The following IQCM variants were observed in gnomAD, a reference collection of about 807,000 sequenced individuals.
The protein encoded by IQCM is IQ motif containing M, also known as IQ domain-containing protein M.
A neutral mutation model predicts 57.6 loss-of-function variants in IQCM; 45 were observed. That is an observed-to-expected ratio of 0.78 (90% CI 0.62 to 1.00). The LOEUF is 1.00. IQCM is among the 50% of genes least tolerant of loss of function. IQCM has a pLI of 0.00. For missense variants in IQCM, 468 were observed against 511.6 expected, an observed-to-expected ratio of 0.91 and a Z score of 0.82; for synonymous variants, 148 against 158.9, an observed-to-expected ratio of 0.93 and a Z score of 0.51.
intron 5 of IQCM, among the ~76,000 whole-genome samples, chr4:149,726,421 C>T (rs2149871556): frequency 6.6e-6 from 1 of 152,316 alleles, no homozygotes. Flanking sequence ...TAATGCATTA[C>T]TCCTTAATTG....
At chr4:149,736,502 G>T (rs1430261276) in intron 3 of IQCM, among the ~76,000 whole-genome samples, 2 of 152,048 alleles carry the variant, frequency 1.3e-5, no homozygotes, top group African/African-American at 4.8e-5. Context: ...CCTATTCAAA[G>T]TCTGGCCAGT....
intron 11 of IQCM, 147 bp from the exon 12 acceptor site, chr4:149,548,736 A>T (rs1748712665): frequency 9.6e-6 from 4 of 416,012 alleles, no homozygotes. Flanking sequence ...GTTAGAAGGA[A>T]GTGGGCATGT....
At chr4:149,383,361 G>A (rs145029617) in intron 13 of IQCM, among the ~76,000 whole-genome samples, 166 of 152,138 alleles carry the variant, frequency 1.1e-3, no homozygotes, top group African/African-American at 3.9e-3. Flanking sequence ...TACCTTAATG[G>A]CTCTCTAAGG....
At chr4:149,711,621 T>G (rs949092885) in intron 5 of IQCM, among the ~76,000 whole-genome samples, 3 of 152,128 alleles carry the variant, frequency 2.0e-5, no homozygotes, top group Admixed American at 2.0e-4. Context: ...CATTTTTGGG[T>G]TTTTAAAACC....
chr4:149,454,755 A>G (rs1475806657), intron 12 of IQCM, among the ~76,000 whole-genome samples: 2 of 152,046 alleles, frequency 1.3e-5, no homozygotes, highest in Non-Finnish European at 2.9e-5. Context: ...GTTATGAAAA[A>G]CCTCATGTAT....
Position 149,351,826 on chromosome 4 carries a change from T to C in IQCM, c.*125A>G, listed in dbSNP as rs1728610792. 1 of 394,704 alleles carries C rather than the reference T, an allele frequency of 2.5e-6. No homozygotes were observed. Among genetic ancestry groups the C allele is most frequent in the South Asian group, 1.4e-4 (1 of 7,000 alleles). 24.5% of individuals were successfully genotyped at this position (394,704 alleles called of 1,614,324 possible). On this transcript the variant is annotated 3_prime_UTR_variant, in exon 14 of 14. Transcript: ENST00000636793. ...AAATTATAGATAAACTTGTCAAAGT[T>C]CTTTCTATATTCAAAGATTTTTATC...
At chr4:149,521,640 A>G (rs1297901566) in intron 12 of IQCM, among the ~76,000 whole-genome samples, 2 of 152,250 alleles carry the variant, frequency 1.3e-5, no homozygotes, top group South Asian at 4.1e-4. Context: ...AGCATAAGCT[A>G]TTACTTAAGT....
chr4:149,382,594 T>C (rs1347916987), intron 13 of IQCM, among the ~76,000 whole-genome samples: 2 of 152,060 alleles, frequency 1.3e-5, no homozygotes, highest in Non-Finnish European at 2.9e-5. Flanking sequence ...ATTTTTTTTT[T>C]CCTGCAGAAC....
At chr4:149,788,466 C>A (rs982250165) in intron 2 of IQCM, among the ~76,000 whole-genome samples, 2 of 152,124 alleles carry the variant, frequency 1.3e-5, no homozygotes, top group Non-Finnish European at 1.5e-5. Context: ...CTAGTTAGAA[C>A]GGCTACTGCA....
At chr4:149,594,599 A>C (rs1409123462) in intron 8 of IQCM, among the ~76,000 whole-genome samples, 1 of 152,204 alleles carries the variant, frequency 6.6e-6, no homozygotes, top group African/African-American at 2.4e-5. Flanking sequence ...ATTTAGTGCT[A>C]TAAATTTCCC....
intron 12 of IQCM, among the ~76,000 whole-genome samples, chr4:149,436,270 A>G (rs1384798154): frequency 6.6e-6 from 1 of 152,154 alleles, no homozygotes; most frequent in East Asian, 1.9e-4. Context: ...TATTTTTCAT[A>G]TGCTTCAATA....
intron 13 of IQCM, among the ~76,000 whole-genome samples, chr4:149,382,303 T>C (rs1275928214): frequency 1.3e-5 from 2 of 152,270 alleles, no homozygotes; most frequent in Admixed American, 6.5e-5. Context: ...GGCTGAATTA[T>C]ACAAACTATT....
chr4:149,686,317 G>T, intron 6 of IQCM, 61 bp downstream of exon 6: 1 of 768,576 alleles, frequency 1.3e-6, no homozygotes, highest in Non-Finnish European at 1.8e-6. Context: ...AATTGGTCAG[G>T]GAATATTGGC....
chr4:149,574,479 T>C (rs1751456315), intron 9 of IQCM, among the ~76,000 whole-genome samples: 1 of 151,976 alleles, frequency 6.6e-6, no homozygotes, highest in Non-Finnish European at 1.5e-5. Context: ...CAGGGCTGAC[T>C]GGCTGCCTTT....
intron 8 of IQCM, among the ~76,000 whole-genome samples, chr4:149,616,705 GAAC>G (rs1755820255): frequency 2.0e-5 from 3 of 151,960 alleles, no homozygotes; most frequent in Non-Finnish European, 4.4e-5. Context: ...ACAGGGAGGG[GAAC>G]AACACACACA....
chr4:149,394,304 T>C (rs1298371177), intron 13 of IQCM, among the ~76,000 whole-genome samples: 1 of 152,104 alleles, frequency 6.6e-6, no homozygotes, highest in East Asian at 1.9e-4. Flanking sequence ...AATCTTCATG[T>C]TTTGAAACTG....
chr4:149,566,345 C>A (rs1750631348), intron 9 of IQCM, among the ~76,000 whole-genome samples: 1 of 152,074 alleles, frequency 6.6e-6, no homozygotes, highest in Admixed American at 6.6e-5. Flanking sequence ...TAACAAGATG[C>A]AAATAGCAGA....
chr4:149,553,211 C>T lies in IQCM; in HGVS notation c.1025G>A (p.Arg342His), dbSNP rs112036644. The change falls in exon 11 of 14, where the codon CGT (arginine) becomes CAT (histidine). Residue 342 changes from arginine (R) to histidine (H), a missense_variant. Transcript: ENST00000636793. ...AATTTGTCTTGTCCTCCAAAGACCACGTCGATATCTAACACGGTGGATTAG... is the reference window on the plus strand; with the variant it reads ...AATTTGTCTTGTCCTCCAAAGACCATGTCGATATCTAACACGGTGGATTAG... ...GRLIHRVRYRRGLWRTRQILN... is the reference protein window; with the variant it reads ...GRLIHRVRYRHGLWRTRQILN... 63 of 1,231,946 alleles carry T rather than the reference C, an allele frequency of 5.1e-5. No homozygotes were observed. In the African/African-American group the frequency reaches 5.3e-4, roughly 10 times the overall value. The allele number at this position is 1,231,946 out of a possible 1,614,324, so 76.3% of individuals were successfully genotyped here.
At chr4:149,550,260 T>C (rs914237124) in intron 11 of IQCM, among the ~76,000 whole-genome samples, 4 of 152,202 alleles carry the variant, frequency 2.6e-5, no homozygotes, top group African/African-American at 9.7e-5. Context: ...GTTGTCCAGG[T>C]AGTAATTTGC....
Sources: gnomAD v4.1 joint callset for allele counts (sites outside exome capture counted in the v4.1 genomes callset) on GRCh38, gnomAD v4.1.1 for gene constraint, MANE v1.5 for transcripts, NCBI Gene and HGNC (gene_info 2026-07-23, HGNC 2026-07-21) for gene names.